Variants in BRPF3 observed in about 807,000 individuals in gnomAD.
BRPF3 encodes the protein bromodomain and PHD finger containing 3.
Under a neutral mutation model 102.0 loss-of-function variants are expected in BRPF3, and 18 were observed. The ratio of observed to expected loss-of-function variants is 0.18; its 90% CI spans 0.12 to 0.26. BRPF3 has a LOEUF of 0.26. Among genes scored for constraint, BRPF3 ranks in the 10% least tolerant of loss-of-function variants. The probability of loss-of-function intolerance (pLI) is 1.00; values close to 1 mark genes in which losing one functional copy is unlikely to be tolerated. For missense variants in BRPF3, 1,147 were observed against 1,567.8 expected, an observed-to-expected ratio of 0.73 and a Z score of 4.53; for synonymous variants, 570 against 614.2, an observed-to-expected ratio of 0.93 and a Z score of 1.06.
At chr6:36,221,160 GTGGGCTTCAGT>G (rs1408923174) in intron 9 of BRPF3, among the ~76,000 whole-genome samples, 1 of 151,998 alleles carries the variant, frequency 6.6e-6, no homozygotes, top group Non-Finnish European at 1.5e-5. Flanking sequence ...TGATGCCCGG[GTGGGCTTCAGT>G]TGCAACATTG....
At chr6:36,213,750 A>T in intron 7 of BRPF3, 130 bp from the exon 8 acceptor site, 1 of 945,352 alleles carries the variant, frequency 1.1e-6, no homozygotes, top group Non-Finnish European at 1.6e-6. Context: ...CTTCAGATCT[A>T]AGACCTTGAA....
chr6:36,227,059 G>A (rs1768765970), intron 11 of BRPF3, among the ~76,000 whole-genome samples: 1 of 152,178 alleles, frequency 6.6e-6, no homozygotes, highest in Admixed American at 6.5e-5. Flanking sequence ...ATTTTGTCAT[G>A]ATTAAAGAAA....
chr6:36,220,464 A>G (rs987299545), intron 9 of BRPF3, among the ~76,000 whole-genome samples: 1 of 152,246 alleles, frequency 6.6e-6, no homozygotes, highest in Non-Finnish European at 1.5e-5. Context: ...TACAGAACTG[A>G]TAACAAGAGC....
intron 10 of BRPF3, among the ~76,000 whole-genome samples, chr6:36,222,895 A>G (rs1480670480): frequency 6.6e-6 from 1 of 152,200 alleles, no homozygotes; most frequent in Non-Finnish European, 1.5e-5. Flanking sequence ...TAGAAGTGGA[A>G]TTACTGAATT....
At position 36,209,927 on chromosome 6, in the gene BRPF3, C is replaced by T. The variant is rs756867052; in HGVS notation, c.1866+12C>T. 1 of 1,613,562 alleles carries T rather than the reference C, an allele frequency of 6.2e-7. No individual in the cohort carries two copies. The highest frequency in any genetic ancestry group is 8.5e-7 in the Non-Finnish European group (1 of 1,179,676). On this transcript the variant is annotated intron_variant, in intron 5 of 12. Coordinates refer to ENST00000357641, the MANE Select transcript of BRPF3 (RefSeq NM_015695.3). ...TCAACTTGAGTGAGGCAAGTTCCCC[C>T]TACTTTCCAAGTAGTAAATTCTTCT...
chr6:36,223,473 A>G (rs1768621508), intron 10 of BRPF3, among the ~76,000 whole-genome samples: 1 of 152,202 alleles, frequency 6.6e-6, no homozygotes, highest in African/African-American at 2.4e-5. Context: ...AAATTACGCC[A>G]AAGGATATTG....
In BRPF3 at chr6:36,213,963, C is replaced by G; in HGVS notation, c.2566C>G (p.Pro856Ala). Residue 856 changes from proline to alanine, a missense_variant, in exon 8 of 13, where the codon CCC (proline) becomes GCC (alanine). By Grantham distance (27) the Pro-to-Ala change is conservative. Around this residue, in one of 11 missense-constraint regions of BRPF3, gnomAD observed 379 missense variants for 426.3 expected, o/e 0.89. Transcript: ENST00000357641. ...SLSEQESPPE[P>A]PTLKPINDSK... ...GTCTGAGCAAGAATCCCCCCCGGAG[C>G]CCCCTACTCTGAAACCCATTAATGA... 1.2e-6 allele frequency: 2 copies of G among 1,613,944 alleles called. No individual in the cohort carries two copies. Among genetic ancestry groups the G allele is most frequent in the Non-Finnish European group, 1.7e-6 (2 of 1,179,990 alleles).
In BRPF3 at chr6:36,232,610, T is replaced by A. The variant is rs1017957060; in HGVS notation, c.*2001T>A. 1.3e-5 allele frequency: 2 copies of A among 152,692 alleles called. No homozygotes were observed. Among genetic ancestry groups the A allele is most frequent in the Admixed American group, 1.3e-4 (2 of 15,292 alleles). 9.5% of individuals were successfully genotyped at this position (152,692 alleles called of 1,614,324 possible). ...CTGCTGTGAAGCACATGATGCTCTATTTATTGTAGAGAGTGACTTTATTTG... is the reference window on the plus strand; with the variant it reads ...CTGCTGTGAAGCACATGATGCTCTAATTATTGTAGAGAGTGACTTTATTTG... On this transcript the variant is annotated 3_prime_UTR_variant, in exon 13 of 13. Coordinates refer to ENST00000357641, the MANE Select transcript of BRPF3 (RefSeq NM_015695.3).
At chr6:36,197,218 CG>C (rs1409744933) in intron 1 of BRPF3, 3 of 151,574 alleles carry the variant, frequency 2.0e-5, no homozygotes, top group African/African-American at 7.3e-5. Context: ...CCCTGGATTC[CG>C]AGCCGCTAAG....
At chr6:36,225,476 GA>G (rs751525277) in intron 11 of BRPF3, 112 bp downstream of exon 11, 301 of 962,916 alleles carry the variant, frequency 3.1e-4, no homozygotes, top group African/African-American at 7.7e-4. Context: ...TTTAGCTGTA[GA>G]GGGGAGGGGG....
intron 12 of BRPF3, 41 bp downstream of exon 12, chr6:36,229,097 G>T: frequency 6.2e-7 from 1 of 1,600,398 alleles, no homozygotes; most frequent in South Asian, 1.1e-5. Context: ...GGGCACGCCA[G>T]GGGTCTGTGC....
intron 11 of BRPF3, among the ~76,000 whole-genome samples, chr6:36,228,003 C>T (rs1047541508): frequency 3.9e-5 from 6 of 152,288 alleles, no homozygotes; most frequent in African/African-American, 1.4e-4. Flanking sequence ...GTCTTTGCTC[C>T]CAGAGCTATT....
At chr6:36,212,334 AAAGGCTGG>A (rs1023420901) in intron 7 of BRPF3, among the ~76,000 whole-genome samples, 2 of 152,116 alleles carry the variant, frequency 1.3e-5, no homozygotes, top group Admixed American at 1.3e-4. Flanking sequence ...ACACAGTCGA[AAAGGCTGG>A]AAGTTACTTC....
intron 7 of BRPF3, among the ~76,000 whole-genome samples, chr6:36,212,524 GGCTGTGGCAGTACAGAGTTGT>G (rs1427461795): frequency 1.3e-5 from 2 of 150,694 alleles, no homozygotes; most frequent in African/African-American, 4.9e-5. Context: ...CTACTTCTGG[GGCTGTGGCAGTACAGAGTTGT>G]GCCCAGTAGG....
At chr6:36,207,606 TGTG>T (rs1345721928) in intron 4 of BRPF3, among the ~76,000 whole-genome samples, 162 bp downstream of exon 4, 1 of 152,214 alleles carries the variant, frequency 6.6e-6, no homozygotes, top group African/African-American at 2.4e-5. Context: ...TTGTATTAGA[TGTG>T]GTGCTACTGA....
Position 36,217,977 on chromosome 6 carries a change from G to A in BRPF3, c.3050G>A (p.Gly1017Asp), listed in dbSNP as rs1291407571. The change falls in exon 9 of 13, where the codon GGT becomes GAT. Residue 1017 changes from glycine (G) to aspartate (D), a missense_variant. Transcript: ENST00000357641. ...ESGSDSECSL[G>D]LSGGLAFEAC... ...GGGTCTGACTCTGAATGTAGTTTGG[G>A]TCTCAGTGGTGGACTGGCATTTGAA... 1.2e-6 allele frequency: 2 copies of A among 1,613,584 alleles called. No individual in the cohort carries two copies. The highest frequency in any genetic ancestry group is 1.7e-6 in the Non-Finnish European group (2 of 1,179,798).
Position 36,231,402 on chromosome 6 carries a change from G to A in BRPF3, c.*793G>A, listed in dbSNP as rs570397816. Reference sequence around the variant, plus strand: ...GCAAGTGTGCCCCCTGGATCAAGGCGGGTCCCCTCTTGTTTTTTTCTTTGC... The same window carrying A: ...GCAAGTGTGCCCCCTGGATCAAGGCAGGTCCCCTCTTGTTTTTTTCTTTGC... On this transcript the variant is annotated 3_prime_UTR_variant, in exon 13 of 13. Coordinates refer to ENST00000357641, the MANE Select transcript of BRPF3 (RefSeq NM_015695.3). 6 of 152,370 alleles carry A rather than the reference G, an allele frequency of 3.9e-5. No individual in the cohort carries two copies. The highest frequency in any genetic ancestry group is 2.1e-4 in the South Asian group (1 of 4,828). 9.4% of individuals were successfully genotyped at this position (152,370 alleles called of 1,614,324 possible).
chr6:36,222,603 C>T (rs573413683), intron 10 of BRPF3, among the ~76,000 whole-genome samples: 1 of 152,254 alleles, frequency 6.6e-6, no homozygotes, highest in African/African-American at 2.4e-5. Context: ...CATATGTATA[C>T]AAGCCAAAAC....
Position 36,209,828 on chromosome 6 carries a change from A to G in BRPF3, c.1779A>G (p.Pro593=), listed in dbSNP as rs150537977. 4.5e-5 allele frequency: 73 copies of G among 1,614,216 alleles called. No individual in the cohort carries two copies. The East Asian group carries it at 1.1e-3, about 25-fold the overall frequency. The change falls in exon 5 of 13, where the codon CCA becomes CCG. Residue 593 remains proline, a synonymous_variant. Transcript: ENST00000357641. The stretch of plus-strand genomic sequence containing the variant: ...CTGCCATGGAGCTGGAGCTGATGCC[A>G]TTCAATGTTCTGTTGAGGACAACAC... ...QQAAMELELM[P]FNVLLRTTLD...
Sources: allele counts gnomAD v4.1 joint callset (sites outside exome capture counted in the v4.1 genomes callset), GRCh38; gene constraint gnomAD v4.1.1; regional missense constraint gnomAD v4.1.1; transcripts MANE v1.5; gene names NCBI Gene and HGNC (gene_info 2026-07-23, HGNC 2026-07-21).